E2F7: variants seen among roughly 807,000 people sequenced by gnomAD.
E2F7 encodes transcription factor E2F7.
E2F7 carries 35 observed loss-of-function variants against 81.1 expected under a neutral mutation model. The observed-to-expected ratio is 0.43, with a 90% confidence interval of 0.33 to 0.57. The LOEUF is 0.57. Ranked by LOEUF, E2F7 falls within the 20% of genes least tolerant of loss-of-function variation. The pLI is 0.04. For missense variants in E2F7, 961 were observed against 1,093.7 expected (o/e 0.88, Z 1.71); for synonymous variants, 416 against 416.2 (o/e 1.00, Z 0.01).
rs1244192416 is a variant in E2F7, at chr12:77,030,272, A to C, written c.1443T>G (p.Ala481=). The C allele has an allele frequency of 1.2e-6, 2 of 1,604,582 alleles. No individual in the cohort carries two copies. Among genetic ancestry groups the C allele is most frequent in the Admixed American group, 1.7e-5 (1 of 59,498 alleles). ...VPPSSSLDPV[A]PFPVLSVDPE... is the part of the protein sequence containing the mutation. ...GGTCAACAGAGAGGACAGGGAAAGG[A>C]GCAACAGGGTCCAAGCTGCTTGATG... The change falls in exon 10 of 13, where the codon GCT becomes GCG. Residue 481 remains alanine, a synonymous_variant. Transcript: ENST00000322886.
chr12:77,040,989 A>T (rs1048548009), intron 7 of E2F7, among the ~76,000 whole-genome samples: 7 of 152,224 alleles, frequency 4.6e-5, no homozygotes, highest in Admixed American at 6.5e-5. Context: ...GAATCAAAGG[A>T]AACTTGATGT....
At chr12:77,035,362 A>C (rs556602192) in intron 7 of E2F7, among the ~76,000 whole-genome samples, 2 of 152,316 alleles carry the variant, frequency 1.3e-5, no homozygotes, top group South Asian at 2.1e-4. Flanking sequence ...AAGATACCCA[A>C]GGCCAGGGAA....
At chr12:77,048,518 A>C (rs1311158583) in intron 4 of E2F7, among the ~76,000 whole-genome samples, 1 of 152,166 alleles carries the variant, frequency 6.6e-6, no homozygotes, top group African/African-American at 2.4e-5. Flanking sequence ...ATGGCACTGG[A>C]ATCTGGAAAA....
intron 5 of E2F7, 36 bp from the exon 6 acceptor site, chr12:77,044,831 T>A (rs1223777120): frequency 1.9e-6 from 3 of 1,600,210 alleles, no homozygotes; most frequent in Non-Finnish European, 2.6e-6. Context: ...TCAAAGTATA[T>A]GATTTTCTAC....
rs2120698799 is a variant in E2F7, at chr12:77,044,895, G to A, written c.830-100C>T. On this transcript the variant is annotated intron_variant, in intron 5 of 12. Transcript: ENST00000322886. The stretch of plus-strand genomic sequence containing the variant: ...AATGATCTAGCCCTATCAGCAGATG[G>A]AAAGATCACCCTTGTCATTGGCAGA... The A allele has an allele frequency of 4.4e-6, 6 of 1,359,126 alleles. No individual in the cohort carries two copies. The East Asian group carries it at 1.2e-4, about 27-fold the overall frequency. The allele number at this position is 1,359,126 out of a possible 1,614,324, so 84.2% of individuals were successfully genotyped here. A position where few individuals can be genotyped will look rare whatever the true frequency, so the allele number is the denominator to read the frequency against.
Position 77,021,890 on chromosome 12 carries a change from G to A in E2F7, c.*2125C>T, listed in dbSNP as rs920430942. 3.3e-5 allele frequency: 5 copies of A among 152,044 alleles called. No individual in the cohort carries two copies. The highest frequency in any genetic ancestry group is 7.3e-5 in the Non-Finnish European group (5 of 68,028). The allele number at this position is 152,044 out of a possible 1,614,324, so 9.4% of individuals were successfully genotyped here. On this transcript the variant is annotated 3_prime_UTR_variant, in exon 13 of 13. Transcript: ENST00000322886. ...TACATATAAAGCCACATTAAGAAGTGGATACTGAATACAGAAGCAATTGTC... is the reference window on the plus strand; with the variant it reads ...TACATATAAAGCCACATTAAGAAGTAGATACTGAATACAGAAGCAATTGTC...
In E2F7 at chr12:77,046,324, C is replaced by G. The variant is rs138622217; in HGVS notation, c.543G>C (p.Val181=). 1.9e-6 allele frequency: 3 copies of G among 1,609,062 alleles called. No individual in the cohort carries two copies. In the African/African-American group the frequency reaches 4.0e-5, roughly 22 times the overall value. Residue 181 remains valine, a synonymous_variant, in exon 5 of 13, where the codon GTG becomes GTC. Coordinates refer to ENST00000322886, the MANE Select transcript of E2F7 (RefSeq NM_203394.3). ...CAATGTCATAGATGCGTCTCCTTTCCACACCTGTTTGAAAAACAGAGGCTG... is the reference window on the plus strand; with the variant it reads ...CAATGTCATAGATGCGTCTCCTTTCGACACCTGTTTGAAAAACAGAGGCTG... ...SLDEVAVSLG[V]ERRRIYDIVN...
In E2F7 at chr12:77,029,313, T is replaced by C. The variant is rs188866051; in HGVS notation, c.1884+518A>G. Among the ~76,000 whole-genome samples the C allele has an allele frequency of 6.6e-5, 10 of 152,344 alleles. No homozygotes were observed. The East Asian group carries it at 1.9e-3, about 29-fold the overall frequency. ...TGGTCATATCTCATTAACCTCTGAA[T>C]GGCTACTAAGCAGGAGATGTGGACA... On this transcript the variant is annotated intron_variant, in intron 10 of 12. Coordinates refer to ENST00000322886, the MANE Select transcript of E2F7 (RefSeq NM_203394.3).
At chr12:77,052,125 G>C (rs1051913170) in intron 3 of E2F7, among the ~76,000 whole-genome samples, 1 of 152,082 alleles carries the variant, frequency 6.6e-6, no homozygotes, top group East Asian at 1.9e-4. Context: ...CTAAAACTTA[G>C]ATTTTAAAGA....
At chr12:77,038,395 T>C (rs1954870558) in intron 7 of E2F7, among the ~76,000 whole-genome samples, 1 of 152,118 alleles carries the variant, frequency 6.6e-6, no homozygotes, top group Non-Finnish European at 1.5e-5. Context: ...TTTAAAAGAT[T>C]CAAGTTATAC....
chr12:77,026,494 G>T (rs1954761139), intron 11 of E2F7, among the ~76,000 whole-genome samples: 1 of 151,758 alleles, frequency 6.6e-6, no homozygotes, highest in South Asian at 2.1e-4. Flanking sequence ...GTAGAAACAG[G>T]TTCTTCCTAT....
At position 77,025,851 on chromosome 12, in the gene E2F7, C is replaced by A; in HGVS notation, c.2272G>T (p.Val758Phe). ...LPSPPLGPFP[V>F]LYSPAMPGPV... ...CCCGGCATTGCAGGAGAATAGAGAA[C>A]AGGAAAAGGGCCCAGAGGTGGAGAT... Residue 758 changes from valine to phenylalanine, a missense_variant, in exon 12 of 13, where the codon GTT becomes TTT. Transcript: ENST00000322886. The A allele has an allele frequency of 1.9e-6, 3 of 1,613,964 alleles. No homozygotes were observed. Among genetic ancestry groups the A allele is most frequent in the Non-Finnish European group, 2.5e-6 (3 of 1,179,982 alleles).
At chr12:77,040,939 G>A (rs1954888996) in intron 7 of E2F7, among the ~76,000 whole-genome samples, 1 of 152,212 alleles carries the variant, frequency 6.6e-6, no homozygotes, top group Non-Finnish European at 1.5e-5. Flanking sequence ...TGAAATTTGT[G>A]AGGAATTGCT....
rs1189039818 is a variant in E2F7, at chr12:77,028,098, A to G, written c.1925T>C (p.Met642Thr). ...DSTDLASPKT[M>T]GNRASIPLKD... is the part of the protein sequence containing the mutation. ...GAGGGGTATAGATGCCCTGTTACCC[A>G]TAGTCTTGGGAGAGGCAAGGTCTGT... Residue 642 changes from methionine to threonine, a missense_variant, in exon 11 of 13, where the codon ATG (methionine) becomes ACG (threonine). Around this residue, in one of 3 missense-constraint regions of E2F7, gnomAD observed 587 missense variants for 620.3 expected, o/e 0.95. Coordinates refer to ENST00000322886, the MANE Select transcript of E2F7 (RefSeq NM_203394.3). The G allele has an allele frequency of 1.9e-6, 3 of 1,614,178 alleles. No homozygotes were observed. Among genetic ancestry groups the G allele is most frequent in the African/African-American group, 2.7e-5 (2 of 75,052 alleles).
intron 9 of E2F7, among the ~76,000 whole-genome samples, chr12:77,031,815 C>G (rs893489166): frequency 6.6e-6 from 1 of 152,114 alleles, no homozygotes; most frequent in African/African-American, 2.4e-5. Flanking sequence ...AATGCAGTAC[C>G]CTGGGCCGCA....
chr12:77,055,502 A>T (rs1487186665), intron 3 of E2F7, among the ~76,000 whole-genome samples: 2 of 152,192 alleles, frequency 1.3e-5, no homozygotes, highest in Non-Finnish European at 2.9e-5. Context: ...GAATTTCCTA[A>T]ATCAAAAATA....
Position 77,044,549 on chromosome 12 carries a change from A to G in E2F7, c.988+88T>C, listed in dbSNP as rs933076025. 2.7e-6 allele frequency: 4 copies of G among 1,485,836 alleles called. No individual in the cohort carries two copies. The African/African-American group carries it at 4.2e-5, about 16-fold the overall frequency. The allele number at this position is 1,485,836 out of a possible 1,614,324, so 92.0% of individuals were successfully genotyped here. A position where few individuals can be genotyped will look rare whatever the true frequency, so the allele number is the denominator to read the frequency against. Reference sequence around the variant, plus strand: ...AGTATGTATGTCAAAAACAATATATATATTTTTAATCTTGGAAGCAGAAAA... The same window carrying G: ...AGTATGTATGTCAAAAACAATATATGTATTTTTAATCTTGGAAGCAGAAAA... On this transcript the variant is annotated intron_variant, in intron 6 of 12. Coordinates refer to ENST00000322886, the MANE Select transcript of E2F7 (RefSeq NM_203394.3).
rs772265506 is a variant in E2F7, at chr12:77,056,095, C to T, written c.129G>A (p.Pro43=). ...TTGGTTCATTTTTTATTGGAGTCTT[C>T]GGGGCCATCCTTGATCGATCAACAA... is the stretch of plus-strand genomic sequence containing the variant. ...NIFVDRSRMA[P]KTPIKNEPID... The change falls in exon 3 of 13, where the codon CCG becomes CCA. Residue 43 remains proline, a synonymous_variant. Transcript: ENST00000322886. The T allele has an allele frequency of 9.9e-6, 16 of 1,612,702 alleles. No homozygotes were observed. The highest frequency in any genetic ancestry group is 4.0e-5 in the African/African-American group (3 of 74,666).
At chr12:77,029,254 C>A (rs1011831559) in intron 10 of E2F7, among the ~76,000 whole-genome samples, 1 of 152,244 alleles carries the variant, frequency 6.6e-6, no homozygotes, top group African/African-American at 2.4e-5. Context: ...CTGCAGACCA[C>A]TGTAATGACA....
Sources: allele counts gnomAD v4.1 joint callset (sites outside exome capture counted in the v4.1 genomes callset), GRCh38; gene constraint gnomAD v4.1.1; regional missense constraint gnomAD v4.1.1; transcripts MANE v1.5; gene names NCBI Gene and HGNC (gene_info 2026-07-23, HGNC 2026-07-21).